ATP8B4: variants seen among roughly 807,000 people sequenced by gnomAD.
ATP8B4 encodes probable phospholipid-transporting ATPase IM.
In ATP8B4, 133 loss-of-function variants were observed where a neutral mutation model predicts 145.6. The ratio of observed to expected loss-of-function variants is 0.91; its 90% CI spans 0.79 to 1.05. The LOEUF (loss-of-function observed/expected upper bound fraction) is 1.05, where lower values mean the gene tolerates loss of function less well. ATP8B4 is among the 50% of genes least tolerant of loss of function. ATP8B4 has a pLI of 0.00. For missense variants in ATP8B4, 1,458 were observed against 1,425.2 expected (o/e 1.02, Z -0.37); for synonymous variants, 507 against 492.9 (o/e 1.03, Z -0.38).
Position 49,884,796 on chromosome 15 carries a change from G to T in ATP8B4, c.2698-5337C>A, listed in dbSNP as rs191499974. ...CTCACAGCAGGTGAGTGGCAGGCAA[G>T]CGAGCCTGAGCTCCACCTCCTGTCA... is the stretch of plus-strand genomic sequence containing the variant. On this transcript the variant is annotated intron_variant, in intron 23 of 27. Transcript: ENST00000284509. Among the ~76,000 whole-genome samples the T allele has an allele frequency of 1.5e-3, 234 of 152,174 alleles. 1 individual carries two copies. The highest frequency in any genetic ancestry group is 5.5e-3 in the African/African-American group (228 of 41,530).
intron 6 of ATP8B4, among the ~76,000 whole-genome samples, chr15:50,031,212 G>C (rs1001018483): frequency 6.6e-6 from 1 of 152,090 alleles, no homozygotes; most frequent in Admixed American, 6.5e-5. Flanking sequence ...CCATAAAAGT[G>C]TGTTTTATTA....
intron 2 of ATP8B4, among the ~76,000 whole-genome samples, chr15:50,076,399 G>A (rs1027237749): frequency 9.9e-5 from 15 of 152,018 alleles, no homozygotes; most frequent in African/African-American, 3.4e-4. Context: ...GGCTGAGGCA[G>A]GAAAATCACT....
intron 24 of ATP8B4, among the ~76,000 whole-genome samples, chr15:49,878,984 T>C (rs1449409325): frequency 6.6e-6 from 1 of 152,214 alleles, no homozygotes; most frequent in Non-Finnish European, 1.5e-5. Flanking sequence ...TTTCCCCGTG[T>C]GTGAACCACA....
At chr15:49,936,705 A>C (rs2041761508) in intron 14 of ATP8B4, among the ~76,000 whole-genome samples, 1 of 151,246 alleles carries the variant, frequency 6.6e-6, no homozygotes, top group East Asian at 1.9e-4. Context: ...ATTTCTTTAT[A>C]ATTTTCTCCT....
At chr15:49,988,544 AG>A (rs1440594358) in intron 9 of ATP8B4, among the ~76,000 whole-genome samples, 3 of 152,308 alleles carry the variant, frequency 2.0e-5, no homozygotes, top group East Asian at 3.9e-4. Context: ...GGGTGAGATT[AG>A]TACCTACAAA....
intron 3 of ATP8B4, among the ~76,000 whole-genome samples, chr15:50,072,895 C>T (rs1197353750): frequency 1.3e-4 from 17 of 135,752 alleles, no homozygotes; most frequent in Non-Finnish European, 2.2e-4. Flanking sequence ...AGTGTTGGGA[C>T]TACAGGCATG....
chr15:50,179,359 A>G (rs1362075122), intron 1 of ATP8B4, among the ~76,000 whole-genome samples: 2 of 152,130 alleles, frequency 1.3e-5, no homozygotes, highest in Non-Finnish European at 2.9e-5. Context: ...TCACCTTTCA[A>G]AGGAGTCAGG....
At chr15:50,046,919 T>C (rs888778293) in intron 4 of ATP8B4, among the ~76,000 whole-genome samples, 2 of 152,228 alleles carry the variant, frequency 1.3e-5, no homozygotes, top group Admixed American at 6.5e-5. Flanking sequence ...CATCACTTTA[T>C]ATATATTAAA....
chr15:50,166,059 G>A (rs2044594517), intron 1 of ATP8B4, among the ~76,000 whole-genome samples: 1 of 151,078 alleles, frequency 6.6e-6, no homozygotes, highest in South Asian at 2.1e-4. Flanking sequence ...AAAACAATCA[G>A]GAATAAAGAA....
chr15:50,086,253 A>G (rs1437054818), intron 2 of ATP8B4, among the ~76,000 whole-genome samples: 1 of 95,340 alleles, frequency 1.0e-5, no homozygotes, highest in African/African-American at 5.3e-5. Context: ...ATAGAGATCT[A>G]TATTTATTAT....
chr15:50,179,682 C>G (rs2044816026), intron 1 of ATP8B4, among the ~76,000 whole-genome samples: 1 of 152,174 alleles, frequency 6.6e-6, no homozygotes. Flanking sequence ...TTAGTGCCCT[C>G]ATAAAACAGG....
intron 5 of ATP8B4, among the ~76,000 whole-genome samples, chr15:50,039,881 T>C (rs1010055776): frequency 6.6e-6 from 1 of 152,222 alleles, no homozygotes; most frequent in East Asian, 1.9e-4. Context: ...TATAAGTTAA[T>C]AGATATTACC....
At chr15:50,155,265 C>T (rs2044396209) in intron 1 of ATP8B4, among the ~76,000 whole-genome samples, 1 of 151,740 alleles carries the variant, frequency 6.6e-6, no homozygotes, top group Admixed American at 6.6e-5. Context: ...AAGAATTGCA[C>T]AAACAAAGAT....
chr15:50,133,392 A>T (rs1448924839), intron 1 of ATP8B4, among the ~76,000 whole-genome samples: 1 of 151,870 alleles, frequency 6.6e-6, no homozygotes, highest in African/African-American at 2.4e-5. Context: ...CAGCCTGTGC[A>T]ATATGGGGAA....
At chr15:50,065,647 A>T (rs1354109472) in intron 3 of ATP8B4, among the ~76,000 whole-genome samples, 1 of 152,130 alleles carries the variant, frequency 6.6e-6, no homozygotes, top group Non-Finnish European at 1.5e-5. Context: ...TTCATTTCTC[A>T]ATCTTAAATT....
intron 2 of ATP8B4, among the ~76,000 whole-genome samples, chr15:50,080,139 T>A (rs2054450060): frequency 6.6e-6 from 1 of 152,184 alleles, no homozygotes. Flanking sequence ...AGGATGACGA[T>A]AATAACCTTA....
intron 10 of ATP8B4, 33 bp downstream of exon 10, chr15:49,987,358 C>G (rs769859681): frequency 3.1e-5 from 50 of 1,604,304 alleles, no homozygotes; most frequent in Non-Finnish European, 4.0e-5. Context: ...AGGAAAGGTT[C>G]CCACAGAGCT....
chr15:49,921,165 C>T (rs2040223876), intron 17 of ATP8B4, among the ~76,000 whole-genome samples: 1 of 152,042 alleles, frequency 6.6e-6, no homozygotes, highest in African/African-American at 2.4e-5. Flanking sequence ...TGGAGGCTGA[C>T]CTTCACTTTT....
Position 49,996,743 on chromosome 15 carries a change from CT to C in ATP8B4, c.522del (p.Val175SerfsTer34). On this transcript the variant is annotated frameshift_variant, in exon 9 of 28. Coordinates refer to ENST00000284509, the MANE Select transcript of ATP8B4 (RefSeq NM_024837.4). LOFTEE classifies it high-confidence loss of function. ...GAAGTAACTGATAGTGCATGGCGGA[CT>C]TTTAGGTTCGTTTCCCTGTGAAATT... ...TAELDGETNL[K>X]VRHALSVTSE... 6.2e-7 allele frequency: 1 copy of C among 1,610,148 alleles called. No individual in the cohort carries two copies. Among genetic ancestry groups the C allele is most frequent in the Non-Finnish European group, 8.5e-7 (1 of 1,177,322 alleles).
Sources: allele counts gnomAD v4.1 joint callset (sites outside exome capture counted in the v4.1 genomes callset), GRCh38; gene constraint gnomAD v4.1.1; transcripts MANE v1.5; gene names NCBI Gene and HGNC (gene_info 2026-07-23, HGNC 2026-07-21).